Variants in CSMD1 observed in about 807,000 individuals in gnomAD.
CSMD1 encodes the protein CUB and Sushi multiple domains 1.
Under a neutral mutation model 417.5 loss-of-function variants are expected in CSMD1, and 213 were observed. The ratio of observed to expected loss-of-function variants is 0.51; its 90% CI spans 0.46 to 0.57. The LOEUF is 0.57. Ranked by LOEUF, CSMD1 falls within the 20% of genes least tolerant of loss-of-function variation. The pLI is 0.00. For missense variants in CSMD1, 6,923 were observed against 4,529.7 expected, an observed-to-expected ratio of 1.53 and a Z score of -15.17; for synonymous variants, 2,862 against 1,736.8, an observed-to-expected ratio of 1.65 and a Z score of -16.11.
At chr8:4,155,316 G>C (rs898105456) in intron 3 of CSMD1, among the ~76,000 whole-genome samples, 4 of 152,152 alleles carry the variant, frequency 2.6e-5, no homozygotes, top group East Asian at 1.9e-4. Context: ...TTTGGGTCTC[G>C]CATTAGAGTC....
chr8:4,387,841 A>T (rs1231130833), intron 3 of CSMD1, among the ~76,000 whole-genome samples: 1 of 152,266 alleles, frequency 6.6e-6, no homozygotes, highest in East Asian at 1.9e-4. Context: ...ATAGCCACAA[A>T]TGACAGCTGT....
chr8:4,048,267 A>G (rs1236932066), intron 3 of CSMD1, among the ~76,000 whole-genome samples: 1 of 152,154 alleles, frequency 6.6e-6, no homozygotes, highest in Non-Finnish European at 1.5e-5. Context: ...ATACCTACAC[A>G]TTTTTACACT....
chr8:3,667,751 A>C (rs1798776384), intron 7 of CSMD1, among the ~76,000 whole-genome samples: 1 of 152,186 alleles, frequency 6.6e-6, no homozygotes, highest in Non-Finnish European at 1.5e-5. Flanking sequence ...AAGAGTTCTG[A>C]AAAGCAACCT....
intron 3 of CSMD1, among the ~76,000 whole-genome samples, chr8:4,363,123 C>A (rs1439611437): frequency 6.6e-6 from 1 of 152,186 alleles, no homozygotes; most frequent in Non-Finnish European, 1.5e-5. Context: ...CAGACACTTT[C>A]AACAGAGTAA....
chr8:4,015,860 G>A (rs574194015), intron 4 of CSMD1, among the ~76,000 whole-genome samples: 12 of 152,180 alleles, frequency 7.9e-5, no homozygotes, highest in South Asian at 4.1e-4. Context: ...GTATGCTGCC[G>A]TTTTCTATGG....
rs182617033 is a variant in CSMD1 at position 4,864,710 on chromosome 8, T to A, written c.85+129622A>T. ...AATAAAGGTCTCTGCAGAAACTACC[T>A]TTGAATTTTAAAAAATTCGAAGTAT... On this transcript the variant is annotated intron_variant, in intron 1 of 69. Coordinates refer to ENST00000635120, the MANE Select transcript of CSMD1 (RefSeq NM_033225.6). Among the ~76,000 whole-genome samples the A allele has an allele frequency of 3.2e-3, 483 of 151,944 alleles. 5 individuals are homozygous for A. Among genetic ancestry groups the A allele is most frequent in the African/African-American group, 0.011 (438 of 41,464 alleles).
chr8:4,300,640 C>G (rs375501188), intron 3 of CSMD1, among the ~76,000 whole-genome samples: 2 of 152,130 alleles, frequency 1.3e-5, no homozygotes, highest in Admixed American at 6.5e-5. Flanking sequence ...CCCATTAACT[C>G]GTCATTTAGC....
chr8:4,902,662 T>G (rs1267929000), intron 1 of CSMD1, among the ~76,000 whole-genome samples: 1 of 152,272 alleles, frequency 6.6e-6, no homozygotes, highest in Non-Finnish European at 1.5e-5. Context: ...GGCATATACT[T>G]TAATCATTTA....
At chr8:3,970,695 T>C (rs969657966) in intron 5 of CSMD1, among the ~76,000 whole-genome samples, 3 of 152,188 alleles carry the variant, frequency 2.0e-5, no homozygotes, top group African/African-American at 7.2e-5. Flanking sequence ...TGTATATTTA[T>C]ATGTCCATGA....
chr8:4,763,065 T>C (rs970519997), intron 1 of CSMD1, among the ~76,000 whole-genome samples: 1 of 152,120 alleles, frequency 6.6e-6, no homozygotes, highest in Non-Finnish European at 1.5e-5. Context: ...AGCTGTAACA[T>C]CCAGTGTCAA....
chr8:3,964,382 A>G (rs1341468263), intron 5 of CSMD1, among the ~76,000 whole-genome samples: 6 of 152,132 alleles, frequency 3.9e-5, no homozygotes, highest in African/African-American at 1.4e-4. Context: ...TGTTTGTATC[A>G]ATTCCAACGT....
At chr8:4,257,205 A>AG (rs1478898454) in intron 3 of CSMD1, among the ~76,000 whole-genome samples, 2 of 628 alleles carry the variant, frequency 3.2e-3, no homozygotes, top group Admixed American at 0.023. Flanking sequence ...TTTAAGCATG[A>AG]GAGTTTTATT....
intron 3 of CSMD1, among the ~76,000 whole-genome samples, chr8:4,234,883 T>G (rs1172655067): frequency 6.6e-6 from 1 of 152,112 alleles, no homozygotes; most frequent in Non-Finnish European, 1.5e-5. Flanking sequence ...TTCCTCGGTG[T>G]GTGAACAAAA....
At chr8:3,525,951 AC>A (rs1797735583) in intron 10 of CSMD1, among the ~76,000 whole-genome samples, 1 of 152,192 alleles carries the variant, frequency 6.6e-6, no homozygotes, top group South Asian at 2.1e-4. Context: ...CTTAAGCCTT[AC>A]AACAATTCTT....
At chr8:3,285,782 T>C (rs1335743905) in intron 25 of CSMD1, among the ~76,000 whole-genome samples, 1 of 151,836 alleles carries the variant, frequency 6.6e-6, no homozygotes, top group African/African-American at 2.4e-5. Context: ...CTTTCTCTTA[T>C]CACACACTCT....
At chr8:3,347,089 C>T (rs570240136) in intron 22 of CSMD1, among the ~76,000 whole-genome samples, 1 of 152,226 alleles carries the variant, frequency 6.6e-6, no homozygotes, top group African/African-American at 2.4e-5. Flanking sequence ...AAAAAAATCA[C>T]AGAACATCTC....
intron 2 of CSMD1, among the ~76,000 whole-genome samples, chr8:4,434,543 C>T (rs1798044755): frequency 6.6e-6 from 1 of 152,116 alleles, no homozygotes; most frequent in Non-Finnish European, 1.5e-5. Context: ...AAGAGCAGCC[C>T]AACATTGACT....
At chr8:4,746,088 C>A (rs1298298664) in intron 1 of CSMD1, among the ~76,000 whole-genome samples, 1 of 152,184 alleles carries the variant, frequency 6.6e-6, no homozygotes, top group Non-Finnish European at 1.5e-5. Context: ...ACATCAGAAA[C>A]CCCGTGACTT....
At chr8:4,570,088 A>G (rs1421013953) in intron 2 of CSMD1, among the ~76,000 whole-genome samples, 1 of 152,140 alleles carries the variant, frequency 6.6e-6, no homozygotes, top group Non-Finnish European at 1.5e-5. Flanking sequence ...CTGCAAACAG[A>G]GACAACTTGA....
Sources: gnomAD v4.1 joint callset for allele counts (sites outside exome capture counted in the v4.1 genomes callset) on GRCh38, gnomAD v4.1.1 for gene constraint, MANE v1.5 for transcripts, NCBI Gene and HGNC (gene_info 2026-07-23, HGNC 2026-07-21) for gene names.